Variants in IGF1R observed in about 807,000 individuals in gnomAD.
IGF1R encodes the protein insulin-like growth factor 1 receptor.
A neutral mutation model predicts 144.6 loss-of-function variants in IGF1R; 44 were observed. The observed-to-expected ratio is 0.30, with a 90% CI of 0.24 to 0.39. IGF1R has a LOEUF of 0.39. Among genes scored for constraint, IGF1R ranks in the 10% least tolerant of loss-of-function variants. IGF1R has a pLI of 1.00. For missense variants in IGF1R, 1,355 were observed against 1,833.7 expected, an observed-to-expected ratio of 0.74 and a Z score of 4.77; for synonymous variants, 795 against 722.8, an observed-to-expected ratio of 1.10 and a Z score of -1.60.
At chr15:98,929,475 A>G (rs1038800277) in intron 13 of IGF1R, 83 bp from the exon 14 acceptor site, 5 of 1,082,446 alleles carry the variant, frequency 4.6e-6, no homozygotes, top group Non-Finnish European at 5.7e-6. Flanking sequence ...TATTTTTTTC[A>G]TACTTCCAAC....
rs542669128 is a variant in IGF1R, at chr15:98,858,762, T to C, written c.641-32563T>C. Reference sequence around the variant, plus strand: ...GCCAGGGTTTGCGGGGAGAAATCTCTCACTCTGTTTTAGTAGCATCATCAT... The same window carrying C: ...GCCAGGGTTTGCGGGGAGAAATCTCCCACTCTGTTTTAGTAGCATCATCAT... On this transcript the variant is annotated intron_variant, in intron 2 of 20. Transcript: ENST00000650285. Among the ~76,000 whole-genome samples the C allele has an allele frequency of 5.1e-4, 77 of 152,320 alleles. 2 individuals carry two copies. In the South Asian group the frequency reaches 0.014, roughly 29 times the overall value.
At chr15:98,723,211 G>A (rs1275588727) in intron 2 of IGF1R, among the ~76,000 whole-genome samples, 2 of 152,116 alleles carry the variant, frequency 1.3e-5, no homozygotes, top group Admixed American at 1.3e-4. Context: ...AAACGTGAGG[G>A]TGCTGATTGA....
chr15:98,756,184 AATTT>A (rs2055151026), intron 2 of IGF1R, among the ~76,000 whole-genome samples: 1 of 151,500 alleles, frequency 6.6e-6, no homozygotes, highest in Non-Finnish European at 1.5e-5. Context: ...TTTTTTAAAT[AATTT>A]AAGAAGAATT....
chr15:98,753,027 C>T (rs1002549512), intron 2 of IGF1R, among the ~76,000 whole-genome samples: 1 of 149,394 alleles, frequency 6.7e-6, no homozygotes, highest in African/African-American at 2.5e-5. Context: ...CCTCCGCCTC[C>T]AGGGTTCAAG....
Position 98,913,238 on chromosome 15 carries a change from G to A in IGF1R, c.1784G>A (p.Arg595His), listed in dbSNP as rs56248469. The change falls in exon 8 of 21, where the codon CGT becomes CAT. Residue 595 changes from arginine (R) to histidine (H), a missense_variant. Transcript: ENST00000650285. The part of the protein sequence containing the change: ...TLTMVENDHI[R>H]GAKSEILYIR... ...ACCATGGTGGAGAACGACCATATCC[G>A]TGGGGCCAAGAGTGAGATCTTGTAC... 1.5e-3 allele frequency: 2,355 copies of A among 1,614,140 alleles called. 6 individuals carry two copies. Among genetic ancestry groups the A allele is most frequent in the Non-Finnish European group, 1.9e-3 (2,269 of 1,180,006 alleles).
chr15:98,712,976 A>G (rs1567089973), intron 2 of IGF1R, among the ~76,000 whole-genome samples: 1 of 150,722 alleles, frequency 6.6e-6, no homozygotes, highest in Non-Finnish European at 1.5e-5. Flanking sequence ...CCTATAGGAT[A>G]GGCATGTGGT....
At chr15:98,727,822 G>A (rs369990004) in intron 2 of IGF1R, among the ~76,000 whole-genome samples, 1 of 152,132 alleles carries the variant, frequency 6.6e-6, no homozygotes, top group Admixed American at 6.6e-5. Flanking sequence ...GAAACCGCCG[G>A]CCGGCCCTGG....
intron 2 of IGF1R, among the ~76,000 whole-genome samples, chr15:98,720,008 G>A (rs936971442): frequency 6.6e-6 from 1 of 152,176 alleles, no homozygotes; most frequent in Admixed American, 6.5e-5. Flanking sequence ...AAGGTGAATG[G>A]TTTATTATGA....
intron 4 of IGF1R, chr15:98,897,143 G>A (rs943149752): frequency 4.9e-5 from 26 of 534,580 alleles, no homozygotes; most frequent in Non-Finnish European, 6.4e-5. Context: ...GAGGGTCATC[G>A]CTCATCTTTT....
intron 2 of IGF1R, among the ~76,000 whole-genome samples, chr15:98,788,055 TCTCTC>T (rs2141409252): frequency 8.2e-6 from 1 of 122,372 alleles, no homozygotes; most frequent in Non-Finnish European, 1.8e-5. Flanking sequence ...TCTCTCTCTC[TCTCTC>T]TCTGTGTGTG....
intron 5 of IGF1R, 109 bp downstream of exon 5, chr15:98,899,730 A>G: frequency 8.9e-7 from 1 of 1,129,308 alleles, no homozygotes; most frequent in Non-Finnish European, 1.3e-6. Context: ...AAAGAGAAGA[A>G]AGGAGGAAGC....
chr15:98,851,195 G>A (rs1322980103), intron 2 of IGF1R, among the ~76,000 whole-genome samples: 1 of 152,184 alleles, frequency 6.6e-6, no homozygotes, highest in African/African-American at 2.4e-5. Context: ...CAGGAACACA[G>A]CGGCTGAGGA....
At chr15:98,883,082 A>G (rs970061076) in intron 2 of IGF1R, among the ~76,000 whole-genome samples, 22 of 152,204 alleles carry the variant, frequency 1.4e-4, no homozygotes, top group Admixed American at 1.1e-3. Context: ...TCTAACTACT[A>G]TAGTGGGATA....
At chr15:98,676,154 T>C (rs1350047084) in intron 1 of IGF1R, among the ~76,000 whole-genome samples, 1 of 151,834 alleles carries the variant, frequency 6.6e-6, no homozygotes, top group African/African-American at 2.4e-5. Flanking sequence ...TATTAGTGTT[T>C]TTTGTAGACA....
chr15:98,875,755 G>C (rs1037478329), intron 2 of IGF1R, among the ~76,000 whole-genome samples: 1 of 152,134 alleles, frequency 6.6e-6, no homozygotes, highest in African/African-American at 2.4e-5. Context: ...TGTGGGGTTG[G>C]GGTGAAGGCT....
intron 2 of IGF1R, among the ~76,000 whole-genome samples, chr15:98,823,295 G>A (rs1451932877): frequency 6.6e-6 from 1 of 152,222 alleles, no homozygotes; most frequent in Admixed American, 6.5e-5. Flanking sequence ...GTTGAATCAT[G>A]AAGTGATGTC....
At chr15:98,852,314 G>GC (rs1219518985) in intron 2 of IGF1R, among the ~76,000 whole-genome samples, 2 of 151,920 alleles carry the variant, frequency 1.3e-5, no homozygotes, top group Non-Finnish European at 2.9e-5. Flanking sequence ...GCCCCACCCC[G>GC]CCCCGGGTGA....
At chr15:98,774,911 G>T (rs1237810893) in intron 2 of IGF1R, among the ~76,000 whole-genome samples, 1 of 150,774 alleles carries the variant, frequency 6.6e-6, no homozygotes, top group East Asian at 2.0e-4. Context: ...ACTCATTATT[G>T]GATATTACAT....
chr15:98,737,596 A>G (rs1480370970), intron 2 of IGF1R, among the ~76,000 whole-genome samples: 1 of 152,212 alleles, frequency 6.6e-6, no homozygotes, highest in Admixed American at 6.5e-5. Flanking sequence ...TAAAAATTTA[A>G]TTTAAAAAAG....
Sources: allele counts gnomAD v4.1 joint callset (sites outside exome capture counted in the v4.1 genomes callset), GRCh38; gene constraint gnomAD v4.1.1; transcripts MANE v1.5; gene names NCBI Gene and HGNC (gene_info 2026-07-23, HGNC 2026-07-21).